The following KPNA4 variants were observed in gnomAD, a reference collection of about 807,000 sequenced individuals.
KPNA4 encodes importin subunit alpha-3.
A neutral mutation model predicts 71.3 loss-of-function variants in KPNA4; 13 were observed. The observed-to-expected ratio is 0.18, with a 90% confidence interval of 0.12 to 0.29. The LOEUF (loss-of-function observed/expected upper bound fraction) is 0.29. KPNA4 is among the 10% of genes least tolerant of loss of function. The probability of loss-of-function intolerance (pLI) is 1.00; values close to 1 mark genes in which losing one functional copy is unlikely to be tolerated. For synonymous variants in KPNA4, 189 were observed against 195.2 expected, an observed-to-expected ratio of 0.97 and a Z score of 0.26; for missense variants, 334 against 603.2, an observed-to-expected ratio of 0.55 and a Z score of 4.67.
chr3:160,533,263 G>A (rs1486822940), intron 5 of KPNA4, among the ~76,000 whole-genome samples: 2 of 152,096 alleles, frequency 1.3e-5, no homozygotes, highest in African/African-American at 4.8e-5. Flanking sequence ...GACCTCAAGT[G>A]ATCCCCTGGC....
At chr3:160,552,964 G>A (rs1722070401) in intron 1 of KPNA4, among the ~76,000 whole-genome samples, 1 of 152,098 alleles carries the variant, frequency 6.6e-6, no homozygotes, top group Non-Finnish European at 1.5e-5. Flanking sequence ...TGAAGCAGGA[G>A]AGGTGAGAAT....
At chr3:160,548,559 T>G (rs60517889) in intron 1 of KPNA4, among the ~76,000 whole-genome samples, 7,938 of 152,214 alleles carry the variant, frequency 0.052, 259 homozygotes, top group Middle Eastern at 0.082. Flanking sequence ...CAGTATTTTT[T>G]TGTGTGTGAC....
intron 1 of KPNA4, among the ~76,000 whole-genome samples, chr3:160,561,334 AGTTTTTTATTTCAAGTTTG>A (rs1322136782): frequency 1.3e-5 from 2 of 151,998 alleles, no homozygotes; most frequent in Non-Finnish European, 2.9e-5. Context: ...TATCCTGACA[AGTTTTTTATTTCAAGTTTG>A]GTCACTACCC....
chr3:160,532,656 C>T lies in KPNA4; in HGVS notation c.288-1099G>A, dbSNP rs1264374280. Among the ~76,000 whole-genome samples, 7 of 152,230 alleles carry T rather than the reference C, an allele frequency of 4.6e-5. No individual in the cohort carries two copies. The East Asian group carries it at 1.4e-3, about 29-fold the overall frequency. The stretch of plus-strand genomic sequence containing the variant: ...ATCATATCTTTACCCACTGGAACAC[C>T]CTGTATTACTATATAAAAGCAATGT... On this transcript the variant is annotated intron_variant, in intron 5 of 16. Transcript: ENST00000334256.
intron 11 of KPNA4, among the ~76,000 whole-genome samples, chr3:160,520,485 T>C (rs1013015131): frequency 1.3e-5 from 2 of 151,512 alleles, no homozygotes; most frequent in Admixed American, 1.3e-4. Context: ...ATGGTCTCAG[T>C]CTCCTGACCT....
intron 1 of KPNA4, among the ~76,000 whole-genome samples, chr3:160,556,472 C>T (rs1303680003): frequency 6.6e-6 from 1 of 152,106 alleles, no homozygotes; most frequent in Admixed American, 6.6e-5. Context: ...ACTAATGAGG[C>T]GGATCCTATT....
At chr3:160,550,249 GA>G (rs1303650450) in intron 1 of KPNA4, among the ~76,000 whole-genome samples, 1 of 152,150 alleles carries the variant, frequency 6.6e-6, no homozygotes, top group East Asian at 1.9e-4. Flanking sequence ...ATGTTGAAGA[GA>G]AATGCCAAGG....
intron 1 of KPNA4, among the ~76,000 whole-genome samples, chr3:160,542,008 A>G (rs144194076): frequency 1.1e-4 from 16 of 152,332 alleles, no homozygotes; most frequent in African/African-American, 3.8e-4. Context: ...ACTAAAGATA[A>G]CATGTAAGCT....
intron 1 of KPNA4, among the ~76,000 whole-genome samples, chr3:160,559,575 GA>G (rs1162723243): frequency 6.6e-6 from 1 of 152,154 alleles, no homozygotes; most frequent in Non-Finnish European, 1.5e-5. Flanking sequence ...AACAGTGTAA[GA>G]AAAGTTCACT....
intron 5 of KPNA4, among the ~76,000 whole-genome samples, chr3:160,532,455 TGGA>T (rs1721593965): frequency 1.3e-5 from 2 of 152,132 alleles, no homozygotes; most frequent in Middle Eastern, 3.2e-3. Flanking sequence ...TAAAGAGAAA[TGGA>T]ATAAGCACAG....
At chr3:160,557,750 T>C (rs1468674684) in intron 1 of KPNA4, among the ~76,000 whole-genome samples, 7 of 152,186 alleles carry the variant, frequency 4.6e-5, no homozygotes, top group East Asian at 3.8e-4. Flanking sequence ...TCATAGTTCA[T>C]TGCAGCCTCC....
At chr3:160,535,171 C>T (rs573912586) in intron 5 of KPNA4, among the ~76,000 whole-genome samples, 6 of 152,220 alleles carry the variant, frequency 3.9e-5, no homozygotes, top group African/African-American at 1.4e-4. Context: ...TAAAATTAAA[C>T]CTATTCATTA....
intron 13 of KPNA4, among the ~76,000 whole-genome samples, chr3:160,513,496 C>T (rs1484128694): frequency 6.6e-6 from 1 of 152,038 alleles, no homozygotes; most frequent in Admixed American, 6.6e-5. Context: ...AACTCCTGGG[C>T]TCAAGTGATC....
intron 5 of KPNA4, among the ~76,000 whole-genome samples, chr3:160,534,568 A>G (rs1721642737): frequency 6.6e-6 from 1 of 151,616 alleles, no homozygotes; most frequent in Non-Finnish European, 1.5e-5. Flanking sequence ...AAATACAAAA[A>G]TTAGCCAGGC....
chr3:160,513,354 C>T (rs1434050341), intron 13 of KPNA4, among the ~76,000 whole-genome samples: 1 of 143,246 alleles, frequency 7.0e-6, no homozygotes, highest in African/African-American at 2.6e-5. Context: ...CTCCCGGATT[C>T]AAATGATCCT....
At chr3:160,503,127 AACAAAACAAATC>A (rs1174682710) in intron 16 of KPNA4, among the ~76,000 whole-genome samples, 1 of 151,988 alleles carries the variant, frequency 6.6e-6, no homozygotes, top group African/African-American at 2.4e-5. Flanking sequence ...AACAAAACAA[AACAAAACAAATC>A]ACAAAACAAA....
chr3:160,537,268 A>C (rs1330908598), intron 1 of KPNA4, among the ~76,000 whole-genome samples: 1 of 150,806 alleles, frequency 6.6e-6, no homozygotes, highest in Non-Finnish European at 1.5e-5. Flanking sequence ...CTGCTCACCC[A>C]CAATTTCCTT....
chr3:160,500,051 A>C lies in KPNA4; in HGVS notation c.*2053T>G, dbSNP rs1037314242. 6.6e-6 allele frequency: 1 copy of C among 152,104 alleles called. No homozygotes were observed. The highest frequency in any genetic ancestry group is 2.4e-5 in the African/African-American group (1 of 41,414). 9.4% of individuals were successfully genotyped at this position (152,104 alleles called of 1,614,324 possible). A position where few individuals can be genotyped will look rare whatever the true frequency, so the allele number is the denominator to read the frequency against. On this transcript the variant is annotated 3_prime_UTR_variant, in exon 17 of 17. Transcript: ENST00000334256. Reference sequence around the variant, plus strand: ...CATACTGAAATGACAGAACCAAAGAAATTTCTTATTATGCTGGTTCTAGGT... The same window carrying C: ...CATACTGAAATGACAGAACCAAAGACATTTCTTATTATGCTGGTTCTAGGT...
intron 1 of KPNA4, among the ~76,000 whole-genome samples, chr3:160,553,829 T>C (rs1722086000): frequency 1.3e-5 from 2 of 152,244 alleles, no homozygotes. Context: ...TAGGCTTTTC[T>C]TCCTCTTCAA....
Sources: gnomAD v4.1 joint callset for allele counts (sites outside exome capture counted in the v4.1 genomes callset) on GRCh38, gnomAD v4.1.1 for gene constraint, MANE v1.5 for transcripts, NCBI Gene and HGNC (gene_info 2026-07-23, HGNC 2026-07-21) for gene names.